The following SPATA12 variants were observed in gnomAD, a reference collection of about 807,000 sequenced individuals.
SPATA12 encodes the protein spermatogenesis-associated protein 12.
For missense variants in SPATA12, 219 were observed against 226.4 expected (o/e 0.97, Z 0.21); for synonymous variants, 85 against 89.2 (o/e 0.95, Z 0.26).
intron 1 of SPATA12, among the ~76,000 whole-genome samples, chr3:57,061,260 T>A (rs751791243): frequency 3.2e-4 from 48 of 152,240 alleles, no homozygotes; most frequent in Non-Finnish European, 5.0e-4. Flanking sequence ...CTTTCATGGA[T>A]CAGCATGTTG....
In SPATA12 at chr3:57,074,507, A is replaced by G. The variant is rs1223473543; in HGVS notation, c.*240A>G. 1.8e-6 allele frequency: 1 copy of G among 546,970 alleles called. No homozygotes were observed. Among genetic ancestry groups the G allele is most frequent in the African/African-American group, 1.9e-5 (1 of 52,692 alleles). The allele number at this position is 546,970 out of a possible 1,614,324, so 33.9% of individuals were successfully genotyped here. A position where few individuals can be genotyped will look rare whatever the true frequency, so the allele number is the denominator to read the frequency against. ...ACTGGCACAAGGTCACACAATCCAGATCTCATACTCTTAGCCCCCGGGGAA... is the reference window on the plus strand; with the variant it reads ...ACTGGCACAAGGTCACACAATCCAGGTCTCATACTCTTAGCCCCCGGGGAA... On this transcript the variant is annotated 3_prime_UTR_variant, in exon 2 of 2. Transcript: ENST00000334325.
chr3:57,071,511 T>C (rs1365241714), intron 1 of SPATA12, among the ~76,000 whole-genome samples: 1 of 151,806 alleles, frequency 6.6e-6, no homozygotes, highest in East Asian at 1.9e-4. Flanking sequence ...AATACAAAAA[T>C]CAGCTGGGTG....
intron 1 of SPATA12, among the ~76,000 whole-genome samples, chr3:57,067,220 G>C (rs1318198762): frequency 2.6e-5 from 4 of 152,220 alleles, no homozygotes; most frequent in African/African-American, 9.6e-5. Context: ...GGGAGGCCAA[G>C]GCGGGTGGAT....
chr3:57,073,963 T>C lies in SPATA12; in HGVS notation c.269T>C (p.Ile90Thr). The change falls in exon 2 of 2, where the codon ATC (isoleucine) becomes ACC (threonine). Residue 90 changes from isoleucine to threonine, a missense_variant. By Grantham distance (89) the Ile-to-Thr change is moderately conservative. Transcript: ENST00000334325. ...TGTCAGAGATATTTACAAGCAGCCA[T>C]CTCTCTTGACATCGCTGTATCCCAA... ...ETCQRYLQAA[I>T]SLDIAVSQIN... is the part of the protein sequence containing the mutation. 2 of 1,614,228 alleles carry C rather than the reference T, an allele frequency of 1.2e-6. No individual in the cohort carries two copies. Among genetic ancestry groups the C allele is most frequent in the Non-Finnish European group, 1.7e-6 (2 of 1,180,044 alleles).
Position 57,074,017 on chromosome 3 carries a change from C to T in SPATA12, c.323C>T (p.Pro108Leu), listed in dbSNP as rs1706082326. The change falls in exon 2 of 2, where the codon CCT becomes CTT. Residue 108 changes from proline (P) to leucine (L), a missense_variant. Coordinates refer to ENST00000334325, the MANE Select transcript of SPATA12 (RefSeq NM_181727.2). ...QINLLGRPSS[P>L]PALLIQQGSC... is the part of the protein sequence containing the mutation. ...AATCTTCTGGGAAGACCCTCTTCAC[C>T]TCCAGCTCTCCTGATACAGCAAGGC... is the stretch of plus-strand genomic sequence containing the variant. The T allele has an allele frequency of 1.2e-6, 2 of 1,614,050 alleles. No homozygotes were observed. The highest frequency in any genetic ancestry group is 2.7e-5 in the African/African-American group (2 of 74,938).
At chr3:57,072,951 C>T (rs1326774898) in intron 1 of SPATA12, among the ~76,000 whole-genome samples, 1 of 152,108 alleles carries the variant, frequency 6.6e-6, no homozygotes, top group Non-Finnish European at 1.5e-5. Context: ...GAGGCTGAAG[C>T]AGGAGAATCA....
intron 1 of SPATA12, among the ~76,000 whole-genome samples, chr3:57,062,109 G>A (rs1705252993): frequency 6.6e-6 from 1 of 152,114 alleles, no homozygotes; most frequent in Non-Finnish European, 1.5e-5. Context: ...CTAGCAGTGA[G>A]AAATCCAACT....
intron 1 of SPATA12, among the ~76,000 whole-genome samples, chr3:57,071,016 G>C (rs1260020935): frequency 6.7e-6 from 1 of 150,006 alleles, no homozygotes; most frequent in Non-Finnish European, 1.5e-5. Flanking sequence ...AGAAAAAGAA[G>C]GACAAAGTTG....
Position 57,074,230 on chromosome 3 carries a change from C to G in SPATA12, c.536C>G (p.Thr179Arg). ...TEGCFVRSLS[T>R]VYSNTHIHTH... ...GGCTGCTTTGTCAGGTCCCTCTCTA[C>G]AGTATACTCCAACACACACATACAC... Residue 179 changes from threonine (T) to arginine (R), a missense_variant, in exon 2 of 2, where the codon ACA becomes AGA. Physicochemically the swap from Thr to Arg is moderately conservative, Grantham distance 71. Coordinates refer to ENST00000334325, the MANE Select transcript of SPATA12 (RefSeq NM_181727.2). 6.2e-7 allele frequency: 1 copy of G among 1,613,936 alleles called. No homozygotes were observed. Among genetic ancestry groups the G allele is most frequent in the Non-Finnish European group, 8.5e-7 (1 of 1,179,978 alleles).
chr3:57,070,721 G>A (rs900804229), intron 1 of SPATA12, among the ~76,000 whole-genome samples: 3 of 152,268 alleles, frequency 2.0e-5, no homozygotes, highest in Admixed American at 6.5e-5. Context: ...CACTTTGGCA[G>A]GCCAAGGTGG....
chr3:57,070,971 CAAA>C (rs1231328722), intron 1 of SPATA12, among the ~76,000 whole-genome samples: 2 of 49,676 alleles, frequency 4.0e-5, no homozygotes. Flanking sequence ...GACTCTGTCA[CAAA>C]AAAAAAAAAA....
rs182458455 is a variant in SPATA12, at chr3:57,074,530, G to T, written c.*263G>T. 15 of 479,934 alleles carry T rather than the reference G, an allele frequency of 3.1e-5. No homozygotes were observed. The highest frequency in any genetic ancestry group is 2.7e-4 in the African/African-American group (14 of 51,592). The allele number at this position is 479,934 out of a possible 1,614,324, so 29.7% of individuals were successfully genotyped here. A position where few individuals can be genotyped will look rare whatever the true frequency, so the allele number is the denominator to read the frequency against. ...AGATCTCATACTCTTAGCCCCCGGGGAACCTTCACTGTATTAAATGACATC... is the reference window on the plus strand; with the variant it reads ...AGATCTCATACTCTTAGCCCCCGGGTAACCTTCACTGTATTAAATGACATC... On this transcript the variant is annotated 3_prime_UTR_variant, in exon 2 of 2. Transcript: ENST00000334325.
chr3:57,069,376 AACACACAC>A lies in SPATA12; in HGVS notation c.-329-3962_-329-3955del, dbSNP rs147675971. 1.3e-4 allele frequency among the ~76,000 whole-genome samples: 19 copies of A among 146,470 alleles called. No homozygotes were observed. The East Asian group carries it at 1.7e-3, about 13-fold the overall frequency. On this transcript the variant is annotated intron_variant, in intron 1 of 1. Transcript: ENST00000334325. ...AAATAACTCTAATCTCTGTCTCTCA[AACACACAC>A]ACACACACACACACACACACACACA...
In SPATA12 at chr3:57,074,532, A is replaced by T; in HGVS notation, c.*265A>T. ...ATCTCATACTCTTAGCCCCCGGGGA[A>T]CCTTCACTGTATTAAATGACATCAA... is the stretch of plus-strand genomic sequence containing the variant. On this transcript the variant is annotated 3_prime_UTR_variant, in exon 2 of 2. Coordinates refer to ENST00000334325, the MANE Select transcript of SPATA12 (RefSeq NM_181727.2). The T allele has an allele frequency of 2.1e-6, 1 of 475,200 alleles. No homozygotes were observed. The highest frequency in any genetic ancestry group is 3.9e-6 in the Non-Finnish European group (1 of 257,774). The allele number at this position is 475,200 out of a possible 1,614,324, so 29.4% of individuals were successfully genotyped here.
In SPATA12 at chr3:57,075,384, G is replaced by A. The variant is rs1197306705; in HGVS notation, c.*1117G>A. 6.0e-6 allele frequency: 1 copy of A among 167,044 alleles called. No individual in the cohort carries two copies. 10.3% of individuals were successfully genotyped at this position (167,044 alleles called of 1,614,324 possible). A position where few individuals can be genotyped will look rare whatever the true frequency, so the allele number is the denominator to read the frequency against. Reference sequence around the variant, plus strand: ...CAGTACCAGGGCAATGCCTCGCACAGAGTAGCCCTCTCTCCCTAAATGTTT... The same window carrying A: ...CAGTACCAGGGCAATGCCTCGCACAAAGTAGCCCTCTCTCCCTAAATGTTT... On this transcript the variant is annotated 3_prime_UTR_variant, in exon 2 of 2. Transcript: ENST00000334325.
intron 1 of SPATA12, among the ~76,000 whole-genome samples, chr3:57,066,463 A>G (rs1250594637): frequency 2.0e-5 from 3 of 152,084 alleles, no homozygotes; most frequent in African/African-American, 4.8e-5. Context: ...GGGTTTCACC[A>G]TGTTGGCTAG....
rs1308523904 is a variant in SPATA12, at chr3:57,073,893, C to T, written c.199C>T (p.Leu67Phe). The T allele has an allele frequency of 1.2e-6, 2 of 1,614,178 alleles. No individual in the cohort carries two copies. The highest frequency in any genetic ancestry group is 1.3e-5 in the African/African-American group (1 of 75,048). ...PGVLPGAASA[L>F]PELTFQGDVC... ...TGTCCTGCCAGGAGCAGCCTCTGCC[C>T]TCCCAGAGCTGACATTTCAGGGGGA... Residue 67 changes from leucine to phenylalanine, a missense_variant, in exon 2 of 2, where the codon CTC becomes TTC. Physicochemically the swap from Leu to Phe is conservative, Grantham distance 22. Transcript: ENST00000334325.
chr3:57,071,269 T>A (rs1478580452), intron 1 of SPATA12, among the ~76,000 whole-genome samples: 3 of 152,040 alleles, frequency 2.0e-5, no homozygotes, highest in African/African-American at 7.2e-5. Flanking sequence ...ATGCAAAAAA[T>A]GAAGCTAGAC....
chr3:57,065,759 C>CG (rs1443833355), intron 1 of SPATA12, among the ~76,000 whole-genome samples: 2 of 152,150 alleles, frequency 1.3e-5, no homozygotes, highest in African/African-American at 4.8e-5. Context: ...TGGTAGCCTG[C>CG]GGAACAGGAG....
Sources: allele counts gnomAD v4.1 joint callset (sites outside exome capture counted in the v4.1 genomes callset), GRCh38; gene constraint gnomAD v4.1.1; transcripts MANE v1.5; gene names NCBI Gene and HGNC (gene_info 2026-07-23, HGNC 2026-07-21).